The following LRRC37A2 variants were observed in gnomAD, a reference collection of about 807,000 sequenced individuals.
LRRC37A2 encodes leucine-rich repeat-containing protein 37A2.
Under a neutral mutation model 68.8 loss-of-function variants are expected in LRRC37A2, and 9 were observed. The observed-to-expected ratio is 0.13, with a 90% CI of 0.08 to 0.23. The LOEUF (loss-of-function observed/expected upper bound fraction) is 0.23. Ranked by LOEUF, LRRC37A2 falls within the 10% of genes least tolerant of loss-of-function variation. The pLI, the probability that LRRC37A2 is intolerant of heterozygous loss-of-function variation, is 1.00. For synonymous variants in LRRC37A2, 63 were observed against 367.6 expected, an observed-to-expected ratio of 0.17 and a Z score of 9.48; for missense variants, 168 against 950.4, an observed-to-expected ratio of 0.18 and a Z score of 10.82.
At chr17:46,887,645 C>A in the LRRC37A2 span, among the ~76,000 whole-genome samples, 1 of 152,022 alleles carries the variant, frequency 6.6e-6, no homozygotes, top group Non-Finnish European at 1.5e-5. Context: ...ATGCCTGTAA[C>A]ACCAGACACT....
chr17:46,707,140 T>C, the LRRC37A2 span, among the ~76,000 whole-genome samples: 11 of 152,192 alleles, frequency 7.2e-5, no homozygotes, highest in South Asian at 2.3e-3. Flanking sequence ...CGTGAGCCAC[T>C]GCACCCAGCC....
the LRRC37A2 span, among the ~76,000 whole-genome samples, chr17:46,910,342 C>T: frequency 7.3e-3 from 1,113 of 152,266 alleles, 3 homozygotes; most frequent in South Asian, 0.017. Flanking sequence ...CTGCCAAAAA[C>T]AACCTCCGCT....
the LRRC37A2 span, among the ~76,000 whole-genome samples, chr17:46,575,084 G>A: frequency 8.6e-4 from 71 of 82,590 alleles, no homozygotes; most frequent in African/African-American, 2.4e-3. Context: ...GTGACAGAGC[G>A]AGACTCTATC....
At chr17:46,976,823 C>T in the LRRC37A2 span, among the ~76,000 whole-genome samples, 3 of 152,238 alleles carry the variant, frequency 2.0e-5, no homozygotes, top group African/African-American at 4.8e-5. Context: ...ACCTACATGA[C>T]GAAGCCACTT....
the LRRC37A2 span, chr17:46,939,071 G>A: frequency 1.8e-4 from 198 of 1,125,328 alleles, no homozygotes; most frequent in Non-Finnish European, 2.1e-4. Flanking sequence ...TAGCTGATGC[G>A]TGCCCTGGGA....
At chr17:46,828,207 C>CT in the LRRC37A2 span, among the ~76,000 whole-genome samples, 1 of 151,346 alleles carries the variant, frequency 6.6e-6, no homozygotes, top group Non-Finnish European at 1.5e-5. Flanking sequence ...TTTCTTTTCT[C>CT]TTTTTTTGAG....
the LRRC37A2 span, among the ~76,000 whole-genome samples, chr17:46,760,097 C>G: frequency 6.6e-6 from 1 of 152,130 alleles, no homozygotes; most frequent in South Asian, 2.1e-4. Flanking sequence ...AAGACCCCAT[C>G]TCTACAAAAG....
the LRRC37A2 span, chr17:46,768,197 G>C: frequency 6.8e-7 from 1 of 1,468,700 alleles, no homozygotes; most frequent in African/African-American, 1.4e-5. This position sits in a 1 kb window ranked among gnomAD's most constrained non-coding sequence, Gnocchi z 5.0. Flanking sequence ...GTGGGAACTT[G>C]TGTGTCTTGG....
At chr17:46,785,066 C>T in the LRRC37A2 span, among the ~76,000 whole-genome samples, 4 of 152,260 alleles carry the variant, frequency 2.6e-5, no homozygotes, top group African/African-American at 4.8e-5. Context: ...CGTGAGCCAC[C>T]GTGCCCGGCC....
chr17:46,534,819 C>G (rs1240789545), intron 6 of LRRC37A2, among the ~76,000 whole-genome samples: 4 of 147,254 alleles, frequency 2.7e-5, no homozygotes, highest in African/African-American at 1.1e-4. Context: ...GCTGGCCAGG[C>G]GGGGGCTGGC....
the LRRC37A2 span, among the ~76,000 whole-genome samples, chr17:46,377,454 A>AT: frequency 3.6e-5 from 1 of 27,530 alleles, no homozygotes; most frequent in Non-Finnish European, 3.1e-4. Context: ...GTACATGAAA[A>AT]TTTTTTTACA....
the LRRC37A2 span, among the ~76,000 whole-genome samples, chr17:46,961,710 CAT>C: frequency 6.6e-6 from 1 of 151,988 alleles, no homozygotes; most frequent in South Asian, 2.1e-4. Context: ...AATATAACGA[CAT>C]AGAAAATTTG....
chr17:46,741,563 G>A, the LRRC37A2 span, among the ~76,000 whole-genome samples: 4 of 151,714 alleles, frequency 2.6e-5, no homozygotes, highest in Non-Finnish European at 5.9e-5. Context: ...TCCTTCCTTT[G>A]GTATTCAGCT....
the LRRC37A2 span, among the ~76,000 whole-genome samples, chr17:47,002,953 G>A: frequency 2.6e-5 from 4 of 152,074 alleles, no homozygotes; most frequent in Non-Finnish European, 5.9e-5. Context: ...GACGAGTTCT[G>A]TATAAAAGCT....
the LRRC37A2 span, among the ~76,000 whole-genome samples, chr17:46,501,212 G>A: frequency 2.0e-5 from 3 of 151,164 alleles, no homozygotes; most frequent in Non-Finnish European, 4.4e-5. Context: ...CGGAGTCTCT[G>A]TTGCCTAGGC....
chr17:46,974,878 G>A, the LRRC37A2 span, among the ~76,000 whole-genome samples: 1 of 152,146 alleles, frequency 6.6e-6, no homozygotes, highest in African/African-American at 2.4e-5. Flanking sequence ...CTTCTTCGAG[G>A]GAGTGGAAGC....
At chr17:46,736,138 T>C in the LRRC37A2 span, among the ~76,000 whole-genome samples, 1 of 152,204 alleles carries the variant, frequency 6.6e-6, no homozygotes, top group Non-Finnish European at 1.5e-5. Context: ...TCCCCATCTC[T>C]CATTCACTGA....
the LRRC37A2 span, among the ~76,000 whole-genome samples, chr17:46,862,860 A>C: frequency 6.6e-6 from 1 of 152,198 alleles, no homozygotes; most frequent in African/African-American, 2.4e-5. Flanking sequence ...CTGGGATTAC[A>C]AGCGTGAGCC....
At chr17:47,001,382 C>G in the LRRC37A2 span, among the ~76,000 whole-genome samples, 4 of 106,682 alleles carry the variant, frequency 3.7e-5, no homozygotes, top group African/African-American at 1.3e-4. Context: ...CTTTTCCCCA[C>G]TTCTGAATCT....
Sources: gnomAD v4.1 joint callset for allele counts (sites outside exome capture counted in the v4.1 genomes callset) on GRCh38, gnomAD v4.1.1 for gene constraint, Gnocchi (gnomAD v3.1) non-coding constraint, MANE v1.5 for transcripts, NCBI Gene and HGNC (gene_info 2026-07-23, HGNC 2026-07-21) for gene names.